The following UGT2A2 variants were observed in gnomAD, a reference collection of about 807,000 sequenced individuals.
UGT2A2 encodes UDP glucuronosyltransferase family 2 member A2.
A neutral mutation model predicts 50.7 loss-of-function variants in UGT2A2; 60 were observed. The observed-to-expected ratio is 1.18, with a 90% CI of 0.96 to 1.47. UGT2A2 has a LOEUF of 1.47. Among genes scored for constraint, UGT2A2 ranks in the 40% most tolerant of loss-of-function variants. The probability of loss-of-function intolerance (pLI) is 0.00; values close to 1 mark genes in which losing one functional copy is unlikely to be tolerated. For synonymous variants in UGT2A2, 242 were observed against 214.6 expected, an observed-to-expected ratio of 1.13 and a Z score of -1.11; for missense variants, 762 against 634.0, an observed-to-expected ratio of 1.20 and a Z score of -2.17.
At chr4:69,621,490 T>TA (rs111659978) in intron 1 of UGT2A2, among the ~76,000 whole-genome samples, 5 of 151,638 alleles carry the variant, frequency 3.3e-5, no homozygotes, top group East Asian at 1.9e-4. Flanking sequence ...TATTAAAAAG[T>TA]AAAAAAAATA....
chr4:69,630,651 T>C (rs958331272), intron 1 of UGT2A2, among the ~76,000 whole-genome samples: 1 of 152,174 alleles, frequency 6.6e-6, no homozygotes, highest in African/African-American at 2.4e-5. Flanking sequence ...ATGAGACATG[T>C]ACTTTCAACA....
chr4:69,611,091 A>T (rs1417455077), intron 1 of UGT2A2, among the ~76,000 whole-genome samples: 1 of 150,602 alleles, frequency 6.6e-6, no homozygotes, highest in Non-Finnish European at 1.5e-5. Context: ...TAAAATAGGT[A>T]GAATAAATGT....
Position 69,639,241 on chromosome 4 carries a change from G to T in UGT2A2, c.400C>A (p.Leu134Ile). The T allele has an allele frequency of 6.2e-7, 1 of 1,613,674 alleles. No homozygotes were observed. Residue 134 changes from leucine to isoleucine, a missense_variant, in exon 1 of 6, where the codon CTC becomes ATC. Physicochemically the swap from Leu to Ile is conservative, Grantham distance 5 (BLOSUM62 2). Transcript: ENST00000604629. ...GGGTTCTTTAGTACACCATCACAGA[G>T]TTGTATGTTAATTTGAAAGAAAGTG... ...LDTFFQINIQ[L>I]CDGVLKNPKL...
intron 4 of UGT2A2, 146 bp downstream of exon 4, chr4:69,595,016 C>G (rs998864929): frequency 8.5e-7 from 1 of 1,179,210 alleles, no homozygotes; most frequent in Non-Finnish European, 1.2e-6. Flanking sequence ...AAATTAATGG[C>G]CAATTATGTA....
At chr4:69,607,273 C>T (rs1719690965) in intron 1 of UGT2A2, among the ~76,000 whole-genome samples, 1 of 150,716 alleles carries the variant, frequency 6.6e-6, no homozygotes, top group Admixed American at 6.6e-5. Context: ...TGCGTATCTA[C>T]AACCATCTGA....
intron 1 of UGT2A2, chr4:69,635,566 A>C (rs1721630382): frequency 6.0e-6 from 1 of 166,290 alleles, no homozygotes; most frequent in African/African-American, 2.4e-5. Flanking sequence ...GATGTGGCTC[A>C]AGCCTGTAAT....
At chr4:69,637,093 T>G (rs191703369) in intron 1 of UGT2A2, among the ~76,000 whole-genome samples, 61 of 152,266 alleles carry the variant, frequency 4.0e-4, no homozygotes, top group Admixed American at 1.2e-3. Context: ...TGAGACATAC[T>G]CATGTGAATT....
At chr4:69,597,570 A>T (rs890537468) in intron 2 of UGT2A2, among the ~76,000 whole-genome samples, 1 of 152,172 alleles carries the variant, frequency 6.6e-6, no homozygotes, top group Non-Finnish European at 1.5e-5. Context: ...TGACTAGCCA[A>T]ATAACTAGGG....
At position 69,599,386 on chromosome 4, in the gene UGT2A2, T is replaced by C. The variant is rs767311039; in HGVS notation, c.751A>G (p.Thr251Ala). Residue 251 changes from threonine (T) to alanine (A), a missense_variant, in exon 2 of 6, where the codon ACT (threonine) becomes GCT (alanine). Physicochemically the swap from Thr to Ala is moderately conservative, Grantham distance 58. Transcript: ENST00000604629. ...TTCCCCATAGTCTCACATAACGTAG[T>C]GGGTCTTCCTGGAGAAAATGTAACA... is the stretch of plus-strand genomic sequence containing the variant. ...SYYSKILGRP[T>A]TLCETMGKAE... 67 of 1,612,630 alleles carry C rather than the reference T, an allele frequency of 4.2e-5. No individual in the cohort carries two copies. The highest frequency in any genetic ancestry group is 5.4e-5 in the Non-Finnish European group (64 of 1,179,636).
At chr4:69,628,080 G>A (rs1206335088) in intron 1 of UGT2A2, among the ~76,000 whole-genome samples, 1 of 151,846 alleles carries the variant, frequency 6.6e-6, no homozygotes, top group Non-Finnish European at 1.5e-5. Flanking sequence ...TTATTGCCAA[G>A]GTCAATGTCA....
In UGT2A2 at chr4:69,594,604, T is replaced by C. The variant is rs778735022; in HGVS notation, c.1204A>G (p.Met402Val). Residue 402 changes from methionine (M) to valine (V), a missense_variant, in exon 5 of 6, where the codon ATG becomes GTG. Physicochemically the swap from Met to Val is conservative, Grantham distance 21 (BLOSUM62 1). Coordinates refer to ENST00000604629, the MANE Select transcript of UGT2A2 (RefSeq NM_001105677.2). The stretch of plus-strand genomic sequence containing the variant: ...ATGTTATCAGGCTGATCAGCAAACA[T>C]GGGAACTCCCACCATAGGGACTCCG... ...YHGVPMVGVP[M>V]FADQPDNIAH... The C allele has an allele frequency of 2.5e-6, 4 of 1,614,098 alleles. No homozygotes were observed. The highest frequency in any genetic ancestry group is 3.4e-6 in the Non-Finnish European group (4 of 1,180,034).
rs1718397879 is a variant in UGT2A2, at chr4:69,588,713, A to G, written c.*659T>C. 1 of 152,096 alleles carries G rather than the reference A, an allele frequency of 6.6e-6. No individual in the cohort carries two copies. The highest frequency in any genetic ancestry group is 1.5e-5 in the Non-Finnish European group (1 of 68,008). 9.4% of individuals were successfully genotyped at this position (152,096 alleles called of 1,614,324 possible). ...AAAGACAGTACCCAAATCTTCCACT[A>G]CAGGTTATATAAGAATATATGTTGA... On this transcript the variant is annotated 3_prime_UTR_variant, in exon 6 of 6. Transcript: ENST00000604629.
intron 1 of UGT2A2, among the ~76,000 whole-genome samples, chr4:69,600,335 T>G (rs1719202532): frequency 6.6e-6 from 1 of 152,176 alleles, no homozygotes; most frequent in Non-Finnish European, 1.5e-5. Flanking sequence ...GAAAAGTCAC[T>G]CCTAATCCTA....
At chr4:69,605,743 C>A (rs1461053388) in intron 1 of UGT2A2, among the ~76,000 whole-genome samples, 1 of 136,458 alleles carries the variant, frequency 7.3e-6, no homozygotes, top group Admixed American at 7.2e-5. Context: ...AAGGGGATAT[C>A]ACCACCGATC....
intron 5 of UGT2A2, among the ~76,000 whole-genome samples, chr4:69,591,230 T>G (rs1393340137): frequency 6.6e-6 from 1 of 152,140 alleles, no homozygotes; most frequent in African/African-American, 2.4e-5. Flanking sequence ...AAGTCCTGAG[T>G]ATATGTGCCC....
At chr4:69,634,609 T>C (rs916518180) in intron 1 of UGT2A2, among the ~76,000 whole-genome samples, 5 of 152,128 alleles carry the variant, frequency 3.3e-5, no homozygotes, top group Non-Finnish European at 5.9e-5. Context: ...AAAGTTGATT[T>C]AACAACTGAT....
At chr4:69,607,990 A>C (rs1365991653) in intron 1 of UGT2A2, among the ~76,000 whole-genome samples, 1 of 152,240 alleles carries the variant, frequency 6.6e-6, no homozygotes, top group Non-Finnish European at 1.5e-5. Context: ...AACTAGTTCA[A>C]TCATTGTGGA....
chr4:69,633,156 C>T (rs1311958736), intron 1 of UGT2A2, among the ~76,000 whole-genome samples: 3 of 152,140 alleles, frequency 2.0e-5, no homozygotes, highest in Admixed American at 2.0e-4. Context: ...AGAGAGGAAT[C>T]CCAGAGAATG....
chr4:69,590,971 C>T (rs752203163), intron 5 of UGT2A2, among the ~76,000 whole-genome samples: 1 of 152,052 alleles, frequency 6.6e-6, no homozygotes, highest in Non-Finnish European at 1.5e-5. Context: ...GGAGTACAAA[C>T]ACATCCATAT....
Sources: allele counts gnomAD v4.1 joint callset (sites outside exome capture counted in the v4.1 genomes callset), GRCh38; gene constraint gnomAD v4.1.1; transcripts MANE v1.5; gene names NCBI Gene and HGNC (gene_info 2026-07-23, HGNC 2026-07-21).